Variants in MACROD2 observed in about 807,000 individuals in gnomAD.
The protein encoded by MACROD2 is ADP-ribose glycohydrolase MACROD2.
MACROD2 carries 36 observed loss-of-function variants against 70.4 expected under a neutral mutation model. The observed-to-expected ratio is 0.51, with a 90% confidence interval of 0.39 to 0.68. The LOEUF (loss-of-function observed/expected upper bound fraction) is 0.68. MACROD2 is among the 30% of genes least tolerant of loss of function. The pLI is 0.00. For synonymous variants in MACROD2, 172 were observed against 178.8 expected, an observed-to-expected ratio of 0.96 and a Z score of 0.30; for missense variants, 496 against 538.4, an observed-to-expected ratio of 0.92 and a Z score of 0.78.
chr20:14,870,611 T>A (rs2073476768), intron 5 of MACROD2, among the ~76,000 whole-genome samples: 1 of 152,106 alleles, frequency 6.6e-6, no homozygotes. Context: ...ACCTATTATT[T>A]TTTTTTTGAC....
At chr20:14,722,349 A>C (rs974820528) in intron 5 of MACROD2, among the ~76,000 whole-genome samples, 3 of 152,160 alleles carry the variant, frequency 2.0e-5, no homozygotes, top group Non-Finnish European at 4.4e-5. Flanking sequence ...GGATGAGGTA[A>C]AGAATTGAGA....
intron 3 of MACROD2, among the ~76,000 whole-genome samples, chr20:14,266,056 G>A (rs1401855999): frequency 1.3e-5 from 2 of 152,172 alleles, no homozygotes; most frequent in South Asian, 2.1e-4. Context: ...GATTATAGGC[G>A]TGAGCCATCA....
chr20:15,732,309 C>T (rs569840005), intron 8 of MACROD2, among the ~76,000 whole-genome samples: 1 of 152,130 alleles, frequency 6.6e-6, no homozygotes, highest in South Asian at 2.1e-4. Context: ...ATCATATAAA[C>T]ATTTCCTGGC....
At chr20:15,720,597 C>T (rs899385766) in intron 8 of MACROD2, among the ~76,000 whole-genome samples, 4 of 152,102 alleles carry the variant, frequency 2.6e-5, no homozygotes, top group South Asian at 2.1e-4. Context: ...ATTAGTGTTT[C>T]GGTTATGGGT....
In MACROD2 at chr20:14,753,352, A is replaced by G. The variant is rs576087704; in HGVS notation, c.418+68393A>G. 4.6e-5 allele frequency among the ~76,000 whole-genome samples: 7 copies of G among 152,180 alleles called. 1 individual carries two copies. In the East Asian group the frequency reaches 1.4e-3, roughly 29 times the overall value. On this transcript the variant is annotated intron_variant, in intron 5 of 17. Transcript: ENST00000684519. Reference sequence around the variant, plus strand: ...GTCAGCTTTTGATTTTCATTGCCTTACCAGCACCCAACCTAGGACCTGGTA... The same window carrying G: ...GTCAGCTTTTGATTTTCATTGCCTTGCCAGCACCCAACCTAGGACCTGGTA...
At chr20:15,319,571 G>A (rs945314817) in intron 6 of MACROD2, among the ~76,000 whole-genome samples, 9 of 152,182 alleles carry the variant, frequency 5.9e-5, no homozygotes, top group Non-Finnish European at 8.8e-5. Context: ...GCCTCCGTAG[G>A]AAACAGTTTG....
At chr20:15,662,391 T>C (rs1240837237) in intron 8 of MACROD2, among the ~76,000 whole-genome samples, 2 of 152,232 alleles carry the variant, frequency 1.3e-5, no homozygotes, top group African/African-American at 2.4e-5. Flanking sequence ...TCTTTTTTTT[T>C]CTTTGCATCC....
At position 15,090,716 on chromosome 20, in the gene MACROD2, T is replaced by A. The variant is rs754519618; in HGVS notation, c.419-139224T>A. Among the ~76,000 whole-genome samples, 90 of 151,944 alleles carry A rather than the reference T, an allele frequency of 5.9e-4. 1 individual carries two copies. Among genetic ancestry groups the A allele is most frequent in the Non-Finnish European group, 2.1e-4 (14 of 67,984 alleles). On this transcript the variant is annotated intron_variant, in intron 5 of 17. Coordinates refer to ENST00000684519, the MANE Select transcript of MACROD2 (RefSeq NM_001351661.2). ...AAAAGTAAGTCAGTATTCAAGAGAC[T>A]AGGAAGAACATGAAAGAAGCCCATG...
chr20:14,094,507 G>T (rs1001348211), intron 3 of MACROD2, among the ~76,000 whole-genome samples: 6 of 151,952 alleles, frequency 3.9e-5, no homozygotes, highest in Non-Finnish European at 8.8e-5. Context: ...GCCCTTTTTT[G>T]ATCCTTGTTT....
chr20:15,341,892 A>AT (rs143504485), intron 6 of MACROD2, among the ~76,000 whole-genome samples: 1,914 of 152,224 alleles, frequency 0.013, 39 homozygotes, highest in African/African-American at 0.043. Flanking sequence ...CTCTACAAAA[A>AT]TTTTTTAAAA....
chr20:15,298,005 G>A (rs2077606982), intron 6 of MACROD2, among the ~76,000 whole-genome samples: 1 of 152,122 alleles, frequency 6.6e-6, no homozygotes, highest in Non-Finnish European at 1.5e-5. Context: ...TCAAAGAGAT[G>A]GCCAGAAGTT....
chr20:15,731,917 G>A (rs112957611), intron 8 of MACROD2, among the ~76,000 whole-genome samples: 14,647 of 54,676 alleles, frequency 0.27, 6,448 homozygotes, highest in African/African-American at 0.41. Flanking sequence ...CACAATGCCT[G>A]GCTATTTTTT....
At chr20:14,978,676 T>C (rs529666950) in intron 5 of MACROD2, among the ~76,000 whole-genome samples, 18 of 119,630 alleles carry the variant, frequency 1.5e-4, no homozygotes, top group African/African-American at 4.8e-4. Context: ...ATCCCTGTGG[T>C]CCATTTCATC....
At chr20:15,499,511 G>T (rs1194465432) in intron 7 of MACROD2, among the ~76,000 whole-genome samples, 1 of 151,988 alleles carries the variant, frequency 6.6e-6, no homozygotes, top group Non-Finnish European at 1.5e-5. Flanking sequence ...GTTTTTAATT[G>T]ATATTGTTAT....
intron 8 of MACROD2, among the ~76,000 whole-genome samples, chr20:15,705,557 T>G (rs1015305412): frequency 1.3e-5 from 2 of 152,054 alleles, no homozygotes; most frequent in Non-Finnish European, 2.9e-5. Context: ...GTAGCTGGGA[T>G]TATAGTCACC....
At chr20:15,401,006 G>A (rs2045921251) in intron 6 of MACROD2, among the ~76,000 whole-genome samples, 9 of 151,752 alleles carry the variant, frequency 5.9e-5, no homozygotes, top group Admixed American at 5.9e-4. Context: ...ATTCACCGTC[G>A]GCAACTCAGG....
chr20:15,209,558 ATCT>A (rs1481235895), intron 5 of MACROD2, among the ~76,000 whole-genome samples: 1 of 152,144 alleles, frequency 6.6e-6, no homozygotes, highest in African/African-American at 2.4e-5. Context: ...TGAAATTCTA[ATCT>A]TCTTTTGTAG....
chr20:14,230,631 T>TATATATA (rs1569217269), intron 3 of MACROD2, among the ~76,000 whole-genome samples: 2 of 94,256 alleles, frequency 2.1e-5, no homozygotes, highest in Admixed American at 1.2e-4. Flanking sequence ...TCATTCATGT[T>TATATATA]TATATATATA....
chr20:15,743,460 T>C (rs1600831504), intron 8 of MACROD2, among the ~76,000 whole-genome samples: 2 of 152,194 alleles, frequency 1.3e-5, no homozygotes, highest in African/African-American at 4.8e-5. Context: ...TCCCCATGTC[T>C]ATGTCTCTAG....
Sources: allele counts gnomAD v4.1 joint callset (sites outside exome capture counted in the v4.1 genomes callset), GRCh38; gene constraint gnomAD v4.1.1; transcripts MANE v1.5; gene names NCBI Gene and HGNC (gene_info 2026-07-23, HGNC 2026-07-21).